Variants in NAV3 observed in about 807,000 individuals in gnomAD.
NAV3 encodes neuron navigator 3, also known as pore membrane and/or filament interacting like protein 1.
In NAV3, 87 loss-of-function variants were observed where a neutral mutation model predicts 244.7. The observed-to-expected ratio is 0.36, with a 90% CI of 0.30 to 0.42. NAV3 has a LOEUF of 0.42. Among genes scored for constraint, NAV3 ranks in the 20% least tolerant of loss-of-function variants. The pLI is 1.00. For missense variants in NAV3, 2,663 were observed against 2,893.3 expected (o/e 0.92, Z 1.83); for synonymous variants, 1,126 against 1,042.2 (o/e 1.08, Z -1.55).
intron 5 of NAV3, among the ~76,000 whole-genome samples, 155 bp downstream of exon 5, chr12:77,968,857 T>A (rs1464884146): frequency 6.6e-6 from 1 of 152,194 alleles, no homozygotes; most frequent in Non-Finnish European, 1.5e-5. Flanking sequence ...CTAAAACCAC[T>A]CTTGTTTTGC....
chr12:77,752,016 G>A (rs1052224583), intron 2 of NAV3, among the ~76,000 whole-genome samples: 2 of 151,946 alleles, frequency 1.3e-5, no homozygotes, highest in Non-Finnish European at 2.9e-5. Context: ...TTTATCTTTG[G>A]TTTTCCACTG....
chr12:77,940,760 A>C (rs953189522), intron 2 of NAV3, among the ~76,000 whole-genome samples: 3 of 152,116 alleles, frequency 2.0e-5, no homozygotes, highest in Admixed American at 1.3e-4. Context: ...CAACTCATAC[A>C]CTCTGAGATG....
chr12:78,081,834 C>T (rs1186275937), intron 12 of NAV3, among the ~76,000 whole-genome samples: 3 of 152,184 alleles, frequency 2.0e-5, no homozygotes, highest in African/African-American at 7.2e-5. Flanking sequence ...AATCTACCCA[C>T]ACCACAAAGA....
intron 2 of NAV3, among the ~76,000 whole-genome samples, chr12:77,757,698 A>G (rs559436414): frequency 6.6e-6 from 1 of 152,298 alleles, no homozygotes; most frequent in East Asian, 1.9e-4. Context: ...GAGAGATATG[A>G]TTGGGATTCT....
rs916671001 is a variant in NAV3, at chr12:77,600,809, G to A, written c.72+28543G>A. Among the ~76,000 whole-genome samples, 12 of 152,090 alleles carry A rather than the reference G, an allele frequency of 7.9e-5. No homozygotes were observed. The East Asian group carries it at 2.1e-3, about 27-fold the overall frequency. Reference sequence around the variant, plus strand: ...GGTCCAACTCAAGGCCAATCTAGCAGACATTGGGCTCTGGCTCCTAGTATC... The same window carrying A: ...GGTCCAACTCAAGGCCAATCTAGCAAACATTGGGCTCTGGCTCCTAGTATC... On this transcript the variant is annotated intron_variant, in intron 2 of 8. Coordinates refer to the NAV3 transcript ENST00000550042.
At chr12:77,651,752 C>T (rs1023151220) in intron 2 of NAV3, among the ~76,000 whole-genome samples, 2 of 152,176 alleles carry the variant, frequency 1.3e-5, no homozygotes, top group African/African-American at 4.8e-5. Flanking sequence ...ATTAAATTTA[C>T]TAACTCATGT....
chr12:78,177,105 A>G (rs1958262758), intron 26 of NAV3, 36 bp from the exon 27 acceptor site: 1 of 1,611,182 alleles, frequency 6.2e-7, no homozygotes, highest in Non-Finnish European at 8.5e-7. Context: ...TCCAAGTGCA[A>G]ATAGACAAGA....
intron 12 of NAV3, among the ~76,000 whole-genome samples, chr12:78,071,620 G>A (rs981314637): frequency 4.6e-5 from 7 of 152,186 alleles, no homozygotes; most frequent in Middle Eastern, 3.4e-3. Flanking sequence ...CAGACATGAC[G>A]TCTTTAATCC....
At chr12:78,140,615 A>G (rs1667081) in intron 20 of NAV3, among the ~76,000 whole-genome samples, 50,949 of 151,966 alleles carry the variant, frequency 0.34, 8,826 homozygotes, top group East Asian at 0.48. Flanking sequence ...CTGAGGTATG[A>G]CTTGGAGTCT....
intron 18 of NAV3, among the ~76,000 whole-genome samples, chr12:78,131,344 TAA>T (rs1956157596): frequency 6.6e-6 from 1 of 152,220 alleles, no homozygotes; most frequent in Non-Finnish European, 1.5e-5. Flanking sequence ...TATATAGTGA[TAA>T]GAGAATTTAC....
At chr12:78,154,253 CT>C (rs1226917813) in intron 22 of NAV3, among the ~76,000 whole-genome samples, 2 of 100,084 alleles carry the variant, frequency 2.0e-5, no homozygotes, top group East Asian at 6.3e-4. Flanking sequence ...TTATATATTA[CT>C]ATATAATATA....
At position 78,021,752 on chromosome 12, in the gene NAV3, A is replaced by T. The variant is rs1284073363; in HGVS notation, c.1913A>T (p.His638Leu). ...ATTTTCATGGTTAATTTCAGGGCAC[A>T]TTCAGAAAATGAAGGTACCGCTTTA... ...ATVAPFIYRA[H>L]SENEGTALPS... is the part of the protein sequence containing the mutation. The change falls in exon 9 of 40, where the codon CAT becomes CTT. Residue 638 changes from histidine (H) to leucine (L), a missense_variant. This residue lies in a region of NAV3 where 1,521 missense variants were observed against 1,497.0 expected (regional missense o/e 1.02). Transcript: ENST00000397909. 1 of 1,605,760 alleles carries T rather than the reference A, an allele frequency of 6.2e-7. No individual in the cohort carries two copies. The highest frequency in any genetic ancestry group is 8.5e-7 in the Non-Finnish European group (1 of 1,174,486).
Position 78,059,231 on chromosome 12 carries a change from A to G in NAV3, c.2636+116A>G, listed in dbSNP as rs201055819. The G allele has an allele frequency of 3.4e-5, 32 of 928,686 alleles. No homozygotes were observed. The African/African-American group carries it at 4.8e-4, about 14-fold the overall frequency. 57.5% of individuals were successfully genotyped at this position (928,686 alleles called of 1,614,324 possible). On this transcript the variant is annotated intron_variant, in intron 12 of 39. Transcript: ENST00000397909. ...ATCAAAGGACTTTTTATTTTGATAA[A>G]TAATTATTTTATTTTGATAAATAAT...
chr12:77,966,099 G>T, intron 3 of NAV3, 130 bp from the exon 4 acceptor site: 3 of 800,566 alleles, frequency 3.7e-6, no homozygotes, highest in South Asian at 1.5e-5. Flanking sequence ...TTAAACTCTG[G>T]TTAAGACTTC....
At chr12:77,891,360 A>G (rs926541641) in intron 1 of NAV3, among the ~76,000 whole-genome samples, 13 of 151,152 alleles carry the variant, frequency 8.6e-5, no homozygotes, top group Non-Finnish European at 1.8e-4. Context: ...GATTACTTCA[A>G]TACTAACTCA....
At chr12:77,863,642 G>T (rs1879583461) in intron 1 of NAV3, among the ~76,000 whole-genome samples, 2 of 151,636 alleles carry the variant, frequency 1.3e-5, no homozygotes, top group South Asian at 4.1e-4. Flanking sequence ...TTCATTGACA[G>T]AAATGTTTAC....
intron 1 of NAV3, among the ~76,000 whole-genome samples, chr12:77,932,472 C>CT (rs1888910257): frequency 6.6e-6 from 1 of 152,160 alleles, no homozygotes; most frequent in Admixed American, 6.5e-5. Flanking sequence ...GTGTATCATT[C>CT]TTTCATCTGC....
chr12:78,150,546 T>C (rs1474375649), intron 22 of NAV3, among the ~76,000 whole-genome samples: 1 of 151,602 alleles, frequency 6.6e-6, no homozygotes, highest in Non-Finnish European at 1.5e-5. Flanking sequence ...TACTCATGAT[T>C]ATTGGTTTCT....
At chr12:77,741,986 T>G (rs753928709) in intron 2 of NAV3, among the ~76,000 whole-genome samples, 8 of 152,110 alleles carry the variant, frequency 5.3e-5, no homozygotes, top group Non-Finnish European at 1.2e-4. Context: ...TCTTTTGACC[T>G]TCATATACAG....
Sources: gnomAD v4.1 joint callset for allele counts (sites outside exome capture counted in the v4.1 genomes callset) on GRCh38, gnomAD v4.1.1 for gene constraint, gnomAD v4.1.1 regional missense constraint, MANE v1.5 for transcripts, NCBI Gene and HGNC (gene_info 2026-07-23, HGNC 2026-07-21) for gene names.